VTN: variants seen among roughly 807,000 people sequenced by gnomAD.
The protein encoded by VTN is complement S-protein.
Under a neutral mutation model 55.9 loss-of-function variants are expected in VTN, and 45 were observed. The ratio of observed to expected loss-of-function variants is 0.80; its 90% CI spans 0.63 to 1.03. The LOEUF is 1.03. Among genes scored for constraint, VTN ranks in the 50% least tolerant of loss-of-function variants. VTN has a pLI of 0.00. For missense variants in VTN, 589 were observed against 638.2 expected, an observed-to-expected ratio of 0.92 and a Z score of 0.83; for synonymous variants, 238 against 242.3, an observed-to-expected ratio of 0.98 and a Z score of 0.17.
chr17:28,368,698 A>T, intron 5 of VTN, 25 bp from the exon 6 acceptor site: 1 of 1,611,906 alleles, frequency 6.2e-7, no homozygotes, highest in Non-Finnish European at 8.5e-7. Flanking sequence ...GGTGGGCATT[A>T]GGAGGGCTGG....
At position 28,367,856 on chromosome 17, in the gene VTN, G is replaced by T; in HGVS notation, c.1183C>A (p.Arg395=). The change falls in exon 7 of 8, where the codon CGG becomes AGG. Residue 395 remains arginine, a synonymous_variant. Coordinates refer to ENST00000226218, the MANE Select transcript of VTN (RefSeq NM_000638.4). The part of the protein sequence containing the change: ...HSRGRNQNSR[R]PSRATWLSLF... ...GACAGCCACGTGGCGCGGGATGGCC[G>T]GCGGGAGTTCTGGTTGCGGCCACGG... The T allele has an allele frequency of 6.2e-7, 1 of 1,614,074 alleles. No individual in the cohort carries two copies.
chr17:28,367,812 C>G lies in VTN; in HGVS notation c.1227G>C (p.Glu409Asp). The part of the protein sequence containing the change: ...ATWLSLFSSE[E>D]SNLGANNYDD... Reference sequence around the variant, plus strand: ...CATAGTTGTTGGCTCCCAAGTTGCTCTCCTCACTGGAGAACAAGGACAGCC... The same window carrying G: ...CATAGTTGTTGGCTCCCAAGTTGCTGTCCTCACTGGAGAACAAGGACAGCC... The change falls in exon 7 of 8, where the codon GAG (glutamate) becomes GAC (aspartate). Residue 409 changes from glutamate to aspartate, a missense_variant. Transcript: ENST00000226218. 1.2e-6 allele frequency: 2 copies of G among 1,614,180 alleles called. No homozygotes were observed. The highest frequency in any genetic ancestry group is 8.5e-7 in the Non-Finnish European group (1 of 1,180,050).
rs782274235 is a variant in VTN at position 28,367,874 on chromosome 17, G to A, written c.1165C>T (p.Arg389Cys). The change falls in exon 7 of 8, where the codon CGC (arginine) becomes TGC (cysteine). Residue 389 changes from arginine to cysteine, a missense_variant. Physicochemically the swap from Arg to Cys is radical, Grantham distance 180. This residue lies in a region of VTN where 334 missense variants were observed against 328.2 expected (regional missense o/e 1.02). Transcript: ENST00000226218. ...YRSQRGHSRG[R>C]NQNSRRPSRA... The stretch of plus-strand genomic sequence containing the variant: ...GATGGCCGGCGGGAGTTCTGGTTGC[G>A]GCCACGGCTGTGGCCTCGTTGTGAA... 1.7e-5 allele frequency: 27 copies of A among 1,613,812 alleles called. No homozygotes were observed. The highest frequency in any genetic ancestry group is 3.3e-5 in the Admixed American group (2 of 59,958).
intron 6 of VTN, among the ~76,000 whole-genome samples, chr17:28,368,266 C>G (rs1555583372): frequency 4.0e-5 from 6 of 150,970 alleles, no homozygotes; most frequent in Admixed American, 1.3e-4. Context: ...CCCCCCCAGG[C>G]CCCCTAAACT....
In VTN at chr17:28,369,647, G is replaced by C; in HGVS notation, c.389C>G (p.Ser130Cys). Reference sequence around the variant, plus strand: ...CCTTGAGTCTATCCCCTCAGGCTTAGAGGCGCCCACCTCAGGCGCAGGGGC... The same window carrying C: ...CCTTGAGTCTATCCCCTCAGGCTTACAGGCGCCCACCTCAGGCGCAGGGGC... Reference protein sequence around the residue: ...EEAPAPEVGASKPEGIDSRPE... With the variant: ...EEAPAPEVGACKPEGIDSRPE... Residue 130 changes from serine (S) to cysteine (C), a missense_variant, in exon 3 of 8, where the codon TCT becomes TGT. By Grantham distance (112) the Ser-to-Cys change is moderately radical. This residue lies in a region of VTN where 217 missense variants were observed against 241.3 expected (regional missense o/e 0.90). Coordinates refer to ENST00000226218, the MANE Select transcript of VTN (RefSeq NM_000638.4). The surrounding 1 kb of genome is among the most constrained non-coding windows in gnomAD (Gnocchi z 5.3). 1.9e-6 allele frequency: 3 copies of C among 1,613,810 alleles called. No individual in the cohort carries two copies. Among genetic ancestry groups the C allele is most frequent in the Non-Finnish European group, 2.5e-6 (3 of 1,180,014 alleles).
chr17:28,367,345 G>GC lies in VTN; in HGVS notation c.*23dup, dbSNP rs2067913153. 6 of 1,516,672 alleles carry GC rather than the reference G, an allele frequency of 4.0e-6. No individual in the cohort carries two copies. The East Asian group carries it at 1.4e-4, about 35-fold the overall frequency. 94.0% of individuals were successfully genotyped at this position (1,516,672 alleles called of 1,614,324 possible). On this transcript the variant is annotated 3_prime_UTR_variant, in exon 8 of 8. Transcript: ENST00000226218. ...AGATGGGAGGAGGGAGCTACAGAGGGCCCGGCCATGTGGGCTCTGACTCCT... is the reference window on the plus strand; with the variant it reads ...AGATGGGAGGAGGGAGCTACAGAGGGCCCCGGCCATGTGGGCTCTGACTCCT...
At position 28,369,098 on chromosome 17, in the gene VTN, C is replaced by T; in HGVS notation, c.670-70G>A. ...GGGCACAGAGGCAGAGTCCCTTGCCCTAAGGCAGCCGTTCCCAGGTCCAGG... is the reference window on the plus strand; with the variant it reads ...GGGCACAGAGGCAGAGTCCCTTGCCTTAAGGCAGCCGTTCCCAGGTCCAGG... On this transcript the variant is annotated intron_variant, in intron 4 of 7. Coordinates refer to ENST00000226218, the MANE Select transcript of VTN (RefSeq NM_000638.4). This position sits in a 1 kb window ranked among gnomAD's most constrained non-coding sequence, Gnocchi z 5.3. 1 of 1,523,774 alleles carries T rather than the reference C, an allele frequency of 6.6e-7. No homozygotes were observed. The highest frequency in any genetic ancestry group is 2.3e-5 in the East Asian group (1 of 44,138). The allele number at this position is 1,523,774 out of a possible 1,614,324, so 94.4% of individuals were successfully genotyped here.
rs112195186 is a variant in VTN at position 28,367,891 on chromosome 17, C to T, written c.1148G>A (p.Arg383Gln). 6.2e-6 allele frequency: 10 copies of T among 1,613,258 alleles called. No homozygotes were observed. The highest frequency in any genetic ancestry group is 8.5e-6 in the Non-Finnish European group (10 of 1,179,690). ...HRNRKGYRSQ[R>Q]GHSRGRNQNS... ...CTGGTTGCGGCCACGGCTGTGGCCT[C>T]GTTGTGAACGGTAGCCTTTGCGGTT... The change falls in exon 7 of 8, where the codon CGA (arginine) becomes CAA (glutamine). Residue 383 changes from arginine to glutamine, a missense_variant. Arg to Gln is a conservative substitution (Grantham distance 43, BLOSUM62 1). Transcript: ENST00000226218.
chr17:28,369,475 A>G lies in VTN; in HGVS notation c.529+32T>C. Reference sequence around the variant, plus strand: ...GAGAGCAGGGACGCTCCTGGGGCAGACCCGCATCCCCAGTACCTGCCCTGG... The same window carrying G: ...GAGAGCAGGGACGCTCCTGGGGCAGGCCCGCATCCCCAGTACCTGCCCTGG... On this transcript the variant is annotated intron_variant, in intron 3 of 7. Transcript: ENST00000226218. The surrounding 1 kb of genome is among the most constrained non-coding windows in gnomAD (Gnocchi z 5.3). 6.3e-7 allele frequency: 1 copy of G among 1,591,730 alleles called. No homozygotes were observed. The highest frequency in any genetic ancestry group is 8.6e-7 in the Non-Finnish European group (1 of 1,168,816).
intron 6 of VTN, among the ~76,000 whole-genome samples, 165 bp downstream of exon 6, chr17:28,368,356 G>A (rs2067924430): frequency 1.3e-5 from 2 of 151,834 alleles, no homozygotes; most frequent in Admixed American, 1.3e-4. Flanking sequence ...TCCAGGTAGA[G>A]CTGAGCTTTC....
Position 28,367,710 on chromosome 17 carries a change from C to T in VTN, c.1324+5G>A. 1.2e-6 allele frequency: 2 copies of T among 1,605,596 alleles called. No homozygotes were observed. The highest frequency in any genetic ancestry group is 1.7e-6 in the Non-Finnish European group (2 of 1,174,194). On this transcript the variant is annotated splice_donor_5th_base_variant and intron_variant, in intron 7 of 7. Coordinates refer to ENST00000226218, the MANE Select transcript of VTN (RefSeq NM_000638.4). ...ACCAGCTTCAGGGGTGGCAGCGGCT[C>T]CTACCTCCAGAGAAGAAGAAGACAC...
At chr17:28,367,633 A>T (rs1319640787) in intron 7 of VTN, 82 bp downstream of exon 7, 4 of 1,480,980 alleles carry the variant, frequency 2.7e-6, no homozygotes, top group Non-Finnish European at 2.8e-6. Flanking sequence ...CACTACTTGC[A>T]GGCTGCGTTC....
rs1567802458 is a variant in VTN at position 28,370,024 on chromosome 17, A to G, written c.87T>C (p.Thr29=). The G allele has an allele frequency of 6.2e-7, 1 of 1,614,138 alleles. No homozygotes were observed. Among genetic ancestry groups the G allele is most frequent in the Non-Finnish European group, 8.5e-7 (1 of 1,180,016 alleles). ...ADQESCKGRC[T]EGFNVDKKCQ... is the part of the protein sequence containing the mutation. ...ACTTCTTGTCCACGTTGAAGCCCTCAGTGCAGCGGCCCTTGCATGACTCTA... is the reference window on the plus strand; with the variant it reads ...ACTTCTTGTCCACGTTGAAGCCCTCGGTGCAGCGGCCCTTGCATGACTCTA... Residue 29 remains threonine, a synonymous_variant, in exon 2 of 8, where the codon ACT becomes ACC. Transcript: ENST00000226218.
Position 28,369,348 on chromosome 17 carries a change from C to T in VTN, c.610G>A (p.Gly204Ser). The change falls in exon 4 of 8, where the codon GGC becomes AGC. Residue 204 changes from glycine to serine, a missense_variant. This residue lies in a region of VTN where 38 missense variants were observed against 68.8 expected (regional missense o/e 0.55). Transcript: ENST00000226218. The surrounding 1 kb of genome is among the most constrained non-coding windows in gnomAD (Gnocchi z 5.3). ...CGGGTGAAGGCGGCATCGATGGGGC[C>T]CTCGATGCCCCAGACATCTCGGATG... The part of the protein sequence containing the change: ...KLIRDVWGIE[G>S]PIDAAFTRIN... 1 of 1,607,682 alleles carries T rather than the reference C, an allele frequency of 6.2e-7. No individual in the cohort carries two copies. Among genetic ancestry groups the T allele is most frequent in the African/African-American group, 1.3e-5 (1 of 74,890 alleles).
In VTN at chr17:28,367,930, C is replaced by T. The variant is rs2142414440; in HGVS notation, c.1109G>A (p.Arg370Lys). The stretch of plus-strand genomic sequence containing the variant: ...GCCTTTGCGGTTGCGATGCCTAAAC[C>T]TTTGTTTCTTGGCCAAGGAGGGGCG... ...APRPSLAKKQ[R>K]FRHRNRKGYR... The change falls in exon 7 of 8, where the codon AGG (arginine) becomes AAG (lysine). Residue 370 changes from arginine (R) to lysine (K), a missense_variant. Physicochemically the swap from Arg to Lys is conservative, Grantham distance 26. Around this residue, in one of 3 missense-constraint regions of VTN, gnomAD observed 334 missense variants for 328.2 expected, o/e 1.02. Coordinates refer to ENST00000226218, the MANE Select transcript of VTN (RefSeq NM_000638.4). The T allele has an allele frequency of 6.2e-7, 1 of 1,608,942 alleles. No homozygotes were observed. Among genetic ancestry groups the T allele is most frequent in the East Asian group, 2.2e-5 (1 of 44,706 alleles).
chr17:28,369,017 G>A lies in VTN; in HGVS notation c.681C>T (p.Tyr227=), dbSNP rs1555583500. 6.3e-7 allele frequency: 1 copy of A among 1,590,060 alleles called. No individual in the cohort carries two copies. Among genetic ancestry groups the A allele is most frequent in the East Asian group, 2.2e-5 (1 of 44,786 alleles). The stretch of plus-strand genomic sequence containing the variant: ...CCAGGACACCATCCTCAAAGCGCCA[G>A]TACTGACTACCCTAAGAGGTGGGGA... ...GKTYLFKGSQ[Y]WRFEDGVLDP... The change falls in exon 5 of 8, where the codon TAC becomes TAT. Residue 227 remains tyrosine (Y), a synonymous_variant. Transcript: ENST00000226218. The surrounding 1 kb of genome is among the most constrained non-coding windows in gnomAD (Gnocchi z 5.3).
Position 28,370,173 on chromosome 17 carries a change from C to T in VTN, c.31G>A (p.Ala11Thr), listed in dbSNP as rs782169461. 3.5e-5 allele frequency: 57 copies of T among 1,613,800 alleles called. 2 individuals are homozygous for T. In the South Asian group the frequency reaches 5.1e-4, roughly 14 times the overall value. Residue 11 changes from alanine to threonine, a missense_variant, in exon 1 of 8, where the codon GCC (alanine) becomes ACC (threonine). Ala to Thr is a moderately conservative substitution (Grantham distance 58). Coordinates refer to ENST00000226218, the MANE Select transcript of VTN (RefSeq NM_000638.4). ...GCCAGAGCAACCCATGCCAGCAGGG[C>T]CAGTATGAGAAGGGGTCTCAGGGGT... The part of the protein sequence containing the change: MAPLRPLLIL[A>T]LLAWVALADQ...
rs781815131 is a variant in VTN at position 28,368,710 on chromosome 17, C to T, written c.827-37G>A. ...GGTGGTGGGCATTAGGAGGGCTGGG[C>T]CAGGGCAAGACTGGAGATCCCAGAG... is the stretch of plus-strand genomic sequence containing the variant. On this transcript the variant is annotated intron_variant, in intron 5 of 7. Transcript: ENST00000226218. 7 of 1,610,984 alleles carry T rather than the reference C, an allele frequency of 4.3e-6. No individual in the cohort carries two copies. The Admixed American group carries it at 6.7e-5, about 15-fold the overall frequency.
rs782420504 is a variant in VTN, at chr17:28,367,879, C to T, written c.1160G>A (p.Arg387His). Residue 387 changes from arginine to histidine, a missense_variant, in exon 7 of 8, where the codon CGT (arginine) becomes CAT (histidine). By Grantham distance (29) the Arg-to-His change is conservative. Around this residue, in one of 3 missense-constraint regions of VTN, gnomAD observed 334 missense variants for 328.2 expected, o/e 1.02. Coordinates refer to ENST00000226218, the MANE Select transcript of VTN (RefSeq NM_000638.4). ...CCGGCGGGAGTTCTGGTTGCGGCCA[C>T]GGCTGTGGCCTCGTTGTGAACGGTA... The part of the protein sequence containing the change: ...KGYRSQRGHS[R>H]GRNQNSRRPS... 5 of 1,613,826 alleles carry T rather than the reference C, an allele frequency of 3.1e-6. No individual in the cohort carries two copies. Among genetic ancestry groups the T allele is most frequent in the African/African-American group, 1.3e-5 (1 of 75,040 alleles).
Sources: gnomAD v4.1 joint callset for allele counts (sites outside exome capture counted in the v4.1 genomes callset) on GRCh38, gnomAD v4.1.1 for gene constraint, gnomAD v4.1.1 regional missense constraint, Gnocchi (gnomAD v3.1) non-coding constraint, MANE v1.5 for transcripts, NCBI Gene and HGNC (gene_info 2026-07-23, HGNC 2026-07-21) for gene names.